LRRC49: variants seen among roughly 807,000 people sequenced by gnomAD.
LRRC49 encodes the protein leucine rich repeat containing 49.
A neutral mutation model predicts 83.3 loss-of-function variants in LRRC49; 50 were observed. The ratio of observed to expected loss-of-function variants is 0.60; its 90% CI spans 0.48 to 0.76. The LOEUF (loss-of-function observed/expected upper bound fraction) is 0.76. Ranked by LOEUF, LRRC49 falls within the 30% of genes least tolerant of loss-of-function variation. LRRC49 has a pLI of 0.00. For missense variants in LRRC49, 704 were observed against 809.1 expected (o/e 0.87, Z 1.58); for synonymous variants, 286 against 283.3 (o/e 1.01, Z -0.10).
At chr15:71,047,539 T>C (rs1294058035) in intron 15 of LRRC49, among the ~76,000 whole-genome samples, 1 of 152,242 alleles carries the variant, frequency 6.6e-6, no homozygotes, top group Non-Finnish European at 1.5e-5. Context: ...TTTTATATCC[T>C]GAAGTTTTAC....
intron 1 of LRRC49, among the ~76,000 whole-genome samples, chr15:70,862,914 A>G (rs977894544): frequency 1.3e-5 from 2 of 152,170 alleles, no homozygotes; most frequent in African/African-American, 2.4e-5. Context: ...AGGAGCAGGC[A>G]TCAGACCAGC....
intron 8 of LRRC49, among the ~76,000 whole-genome samples, chr15:70,961,252 C>G (rs1234151965): frequency 6.6e-6 from 1 of 151,992 alleles, no homozygotes; most frequent in Admixed American, 6.6e-5. Context: ...ACTGAAATTC[C>G]AGAACACAGA....
intron 7 of LRRC49, among the ~76,000 whole-genome samples, chr15:70,931,151 G>T (rs1452924521): frequency 6.6e-6 from 1 of 152,150 alleles, no homozygotes; most frequent in Non-Finnish European, 1.5e-5. Context: ...TTAAGTGAGA[G>T]ACTTGTAACT....
intron 5 of LRRC49, among the ~76,000 whole-genome samples, chr15:70,909,447 G>GC (rs1470845295): frequency 5.9e-5 from 9 of 152,284 alleles, no homozygotes; most frequent in Non-Finnish European, 1.3e-4. Context: ...CTATTAGAAA[G>GC]CATGGCTCTG....
At position 71,002,939 on chromosome 15, in the gene LRRC49, C is replaced by CTTTTTTTTTTTT. The variant is rs35998597; in HGVS notation, c.1170-5425_1170-5414dup. 9.3e-5 allele frequency among the ~76,000 whole-genome samples: 4 copies of CTTTTTTTTTTTT among 43,024 alleles called. 1 individual carries two copies. Among genetic ancestry groups the CTTTTTTTTTTTT allele is most frequent in the Admixed American group, 4.5e-4 (1 of 2,240 alleles). 28.2% of individuals were successfully genotyped at this position (43,024 alleles called of 152,430 possible). A position where few individuals can be genotyped will look rare whatever the true frequency, so the allele number is the denominator to read the frequency against. On this transcript the variant is annotated intron_variant, in intron 11 of 15. Transcript: ENST00000260382. ...GAAAAGGCATAGGATATTTTCTGGC[C>CTTTTTTTTTTTT]TTTTTTTTTTTTTTTTTTTTTTTTT...
At chr15:71,007,889 T>C (rs901511289) in intron 11 of LRRC49, among the ~76,000 whole-genome samples, 11 of 151,304 alleles carry the variant, frequency 7.3e-5, no homozygotes, top group African/African-American at 2.7e-4. Context: ...AGTAGAAAGT[T>C]AGAGTTACCC....
intron 1 of LRRC49, chr15:70,853,907 T>C: frequency 7.4e-7 from 1 of 1,358,368 alleles, no homozygotes; most frequent in Non-Finnish European, 9.5e-7. Flanking sequence ...GCGGCTCGGC[T>C]CCTCCTCGCT....
chr15:70,899,018 T>A (rs2033957171), intron 3 of LRRC49, among the ~76,000 whole-genome samples: 1 of 152,218 alleles, frequency 6.6e-6, no homozygotes, highest in Admixed American at 6.5e-5. Flanking sequence ...CATTCTTATG[T>A]CTTTCTATTT....
chr15:70,989,461 C>T (rs1322563745), intron 11 of LRRC49, among the ~76,000 whole-genome samples: 2 of 152,138 alleles, frequency 1.3e-5, no homozygotes, highest in Non-Finnish European at 2.9e-5. Flanking sequence ...ACGTAGTTCT[C>T]GAGCCTTGGC....
intron 11 of LRRC49, among the ~76,000 whole-genome samples, chr15:71,003,577 T>G (rs1230814987): frequency 2.0e-5 from 3 of 152,204 alleles, no homozygotes; most frequent in Admixed American, 6.5e-5. Flanking sequence ...AAGTCTTACT[T>G]TTATTTATTC....
chr15:70,961,907 G>A (rs1418639919), intron 8 of LRRC49, among the ~76,000 whole-genome samples: 1 of 152,152 alleles, frequency 6.6e-6, no homozygotes, highest in East Asian at 1.9e-4. Context: ...AATCACTTAG[G>A]AGTTTAGAGG....
Position 71,050,506 on chromosome 15 carries a change from C to A in LRRC49, c.*894C>A, listed in dbSNP as rs969156062. 1 of 152,022 alleles carries A rather than the reference C, an allele frequency of 6.6e-6. No homozygotes were observed. Among genetic ancestry groups the A allele is most frequent in the Non-Finnish European group, 1.5e-5 (1 of 68,030 alleles). The allele number at this position is 152,022 out of a possible 1,614,324, so 9.4% of individuals were successfully genotyped here. On this transcript the variant is annotated 3_prime_UTR_variant, in exon 16 of 16. Coordinates refer to ENST00000260382, the MANE Select transcript of LRRC49 (RefSeq NM_017691.5). ...ATGCTGGTGAGAAGGGTAGTAGGAGCCTATTACCATAGCTAGAGATGATGC... is the reference window on the plus strand; with the variant it reads ...ATGCTGGTGAGAAGGGTAGTAGGAGACTATTACCATAGCTAGAGATGATGC...
At chr15:71,033,532 A>C (rs2039424882) in intron 14 of LRRC49, among the ~76,000 whole-genome samples, 1 of 152,190 alleles carries the variant, frequency 6.6e-6, no homozygotes, top group Non-Finnish European at 1.5e-5. Context: ...AATTAGAAAA[A>C]AACTACTTTA....
intron 4 of LRRC49, among the ~76,000 whole-genome samples, chr15:70,903,381 A>G (rs1351841496): frequency 6.6e-6 from 1 of 152,108 alleles, no homozygotes; most frequent in African/African-American, 2.4e-5. Context: ...AATGAATTAT[A>G]AAATTAACCA....
chr15:70,857,861 C>G (rs543174107), intron 1 of LRRC49, among the ~76,000 whole-genome samples: 3 of 152,332 alleles, frequency 2.0e-5, no homozygotes, highest in East Asian at 1.9e-4. Flanking sequence ...CAGACTCCAG[C>G]CTTGCTGCTG....
chr15:70,998,254 C>A (rs1596120293), intron 11 of LRRC49, among the ~76,000 whole-genome samples: 1 of 152,114 alleles, frequency 6.6e-6, no homozygotes, highest in Admixed American at 6.5e-5. Flanking sequence ...TTTTATTATG[C>A]ACCTGTGTAA....
At chr15:70,927,199 T>A (rs1190894147) in intron 7 of LRRC49, among the ~76,000 whole-genome samples, 1 of 152,178 alleles carries the variant, frequency 6.6e-6, no homozygotes, top group East Asian at 1.9e-4. Context: ...AGTTTGTCAG[T>A]CTTTATAATT....
At chr15:71,033,745 C>T (rs2039431959) in intron 14 of LRRC49, among the ~76,000 whole-genome samples, 2 of 152,128 alleles carry the variant, frequency 1.3e-5, no homozygotes, top group South Asian at 4.1e-4. Context: ...ACATCTACAA[C>T]CATCTGATCT....
chr15:70,893,355 G>A (rs2033671846), intron 1 of LRRC49: 1 of 581,976 alleles, frequency 1.7e-6, no homozygotes, highest in Non-Finnish European at 3.0e-6. Context: ...CTAACTAGAG[G>A]GTTAAATTGC....
Sources: allele counts gnomAD v4.1 joint callset (sites outside exome capture counted in the v4.1 genomes callset), GRCh38; gene constraint gnomAD v4.1.1; transcripts MANE v1.5; gene names NCBI Gene and HGNC (gene_info 2026-07-23, HGNC 2026-07-21).